The following ZNF407 variants were observed in gnomAD, a reference collection of about 807,000 sequenced individuals.
ZNF407 encodes zinc finger protein 407.
In ZNF407, 17 loss-of-function variants were observed where a neutral mutation model predicts 131.2. That is an observed-to-expected ratio of 0.13 (90% confidence interval 0.09 to 0.19). The LOEUF (loss-of-function observed/expected upper bound fraction) is 0.19. Among genes scored for constraint, ZNF407 ranks in the 10% least tolerant of loss-of-function variants. The pLI, the probability that ZNF407 is intolerant of heterozygous loss-of-function variation, is 1.00. For synonymous variants in ZNF407, 1,156 were observed against 1,062.0 expected (o/e 1.09, Z -1.72); for missense variants, 2,681 against 2,830.6 (o/e 0.95, Z 1.20).
intron 3 of ZNF407, among the ~76,000 whole-genome samples, chr18:74,671,654 A>G (rs1171516939): frequency 4.6e-5 from 7 of 152,166 alleles, no homozygotes. Context: ...TAAGGATAAT[A>G]GCCTCCAGCT....
chr18:74,934,018 C>T (rs1198703099), intron 8 of ZNF407, among the ~76,000 whole-genome samples: 1 of 151,936 alleles, frequency 6.6e-6, no homozygotes, highest in Non-Finnish European at 1.5e-5. Flanking sequence ...ACTGTAGGCC[C>T]CAACTAGATA....
chr18:74,916,312 GGTT>G (rs1264719678), intron 7 of ZNF407, among the ~76,000 whole-genome samples: 26 of 108,116 alleles, frequency 2.4e-4, no homozygotes, highest in African/African-American at 8.7e-4. Context: ...GGTATGGTGA[GGTT>G]GTGTGCAGCA....
Position 75,063,638 on chromosome 18 carries a change from T to G in ZNF407, c.5917T>G (p.Leu1973Val). 1 of 1,595,598 alleles carries G rather than the reference T, an allele frequency of 6.3e-7. No individual in the cohort carries two copies. Among genetic ancestry groups the G allele is most frequent in the Non-Finnish European group, 8.5e-7 (1 of 1,172,330 alleles). ...VIQQVTKQEILNLSEAGVAPP... is the reference protein window; with the variant it reads ...VIQQVTKQEIVNLSEAGVAPP... ...ACAACAGGTGACCAAGCAGGAGATT[T>G]TAAACCTCTCGGAGGCTGGAGTCGC... Residue 1973 changes from leucine to valine, a missense_variant, in exon 9 of 9, where the codon TTA becomes GTA. Leu to Val is a conservative substitution (Grantham distance 32). Coordinates refer to ENST00000299687, the MANE Select transcript of ZNF407 (RefSeq NM_017757.3). The surrounding 1 kb of genome is among the most constrained non-coding windows in gnomAD (Gnocchi z 6.6).
intron 4 of ZNF407, among the ~76,000 whole-genome samples, chr18:74,831,022 T>C (rs1313944208): frequency 6.6e-6 from 1 of 152,212 alleles, no homozygotes; most frequent in Non-Finnish European, 1.5e-5. Flanking sequence ...ATGCAGAGTT[T>C]ATAACTTTCT....
At chr18:74,852,725 G>C (rs957325574) in intron 4 of ZNF407, among the ~76,000 whole-genome samples, 18 of 152,136 alleles carry the variant, frequency 1.2e-4, no homozygotes, top group African/African-American at 4.3e-4. Flanking sequence ...TTTTAAATTA[G>C]AGTGTAAGGT....
At chr18:75,056,360 A>C (rs976132415) in intron 8 of ZNF407, among the ~76,000 whole-genome samples, 1 of 152,234 alleles carries the variant, frequency 6.6e-6, no homozygotes, top group African/African-American at 2.4e-5. Context: ...TGAGGTACTG[A>C]CCAACCAACC....
At chr18:74,668,226 A>G (rs771796381) in intron 3 of ZNF407, among the ~76,000 whole-genome samples, 4 of 152,192 alleles carry the variant, frequency 2.6e-5, no homozygotes, top group Non-Finnish European at 4.4e-5. Context: ...TTTACTTTGC[A>G]TAATGTGTGA....
intron 4 of ZNF407, among the ~76,000 whole-genome samples, chr18:74,827,520 C>T (rs1970425288): frequency 1.3e-5 from 2 of 151,832 alleles, no homozygotes; most frequent in South Asian, 4.2e-4. Flanking sequence ...CATATGGGAG[C>T]CTCATCAAGC....
At chr18:74,980,427 C>A (rs1430416604) in intron 8 of ZNF407, among the ~76,000 whole-genome samples, 3 of 152,056 alleles carry the variant, frequency 2.0e-5, no homozygotes, top group African/African-American at 7.2e-5. Flanking sequence ...GCCTCAGCCT[C>A]CCGAGTAGCT....
At chr18:75,031,774 A>C (rs760906021) in intron 8 of ZNF407, among the ~76,000 whole-genome samples, 3 of 152,210 alleles carry the variant, frequency 2.0e-5, no homozygotes, top group Non-Finnish European at 4.4e-5. Flanking sequence ...CCAAAGTTGT[A>C]CACAAGGTAA....
At chr18:74,837,545 A>T (rs995933023) in intron 4 of ZNF407, among the ~76,000 whole-genome samples, 1 of 152,306 alleles carries the variant, frequency 6.6e-6, no homozygotes, top group Non-Finnish European at 1.5e-5. Context: ...TAAGAGTAAC[A>T]TGCGCTCATT....
chr18:74,599,530 T>C (rs1982485362), intron 1 of ZNF407, among the ~76,000 whole-genome samples: 1 of 152,116 alleles, frequency 6.6e-6, no homozygotes, highest in Admixed American at 6.5e-5. Flanking sequence ...TAAATATATA[T>C]AATACCTTTT....
chr18:74,768,747 T>C (rs1348579747), intron 3 of ZNF407, among the ~76,000 whole-genome samples: 2 of 152,230 alleles, frequency 1.3e-5, no homozygotes, highest in African/African-American at 4.8e-5. Context: ...GTAATGTGTA[T>C]CTACTACAGT....
At chr18:75,006,301 T>G (rs77290840) in intron 8 of ZNF407, among the ~76,000 whole-genome samples, 1 of 152,228 alleles carries the variant, frequency 6.6e-6, no homozygotes, top group Non-Finnish European at 1.5e-5. Context: ...TCTACTCTTA[T>G]GATTTATTTT....
At chr18:74,643,972 G>A (rs1298892477) in intron 3 of ZNF407, among the ~76,000 whole-genome samples, 1 of 151,926 alleles carries the variant, frequency 6.6e-6, no homozygotes, top group Non-Finnish European at 1.5e-5. Context: ...TTTGACAGAA[G>A]AAGCTGAATG....
intron 3 of ZNF407, among the ~76,000 whole-genome samples, chr18:74,706,070 A>G (rs781375261): frequency 6.6e-6 from 1 of 152,170 alleles, no homozygotes; most frequent in Non-Finnish European, 1.5e-5. Flanking sequence ...ATTCATATAC[A>G]TATCAGTGCA....
intron 7 of ZNF407, among the ~76,000 whole-genome samples, chr18:74,911,135 C>T (rs895177390): frequency 6.6e-6 from 1 of 152,144 alleles, no homozygotes; most frequent in East Asian, 1.9e-4. Context: ...TTACATGTAG[C>T]TTTTCTCAAT....
At chr18:74,825,109 A>G (rs561551433) in intron 4 of ZNF407, among the ~76,000 whole-genome samples, 55 of 152,288 alleles carry the variant, frequency 3.6e-4, no homozygotes, top group African/African-American at 1.3e-3. Context: ...AGTGACAAAA[A>G]CCACATGATT....
intron 3 of ZNF407, among the ~76,000 whole-genome samples, chr18:74,755,533 C>CTT (rs1968910571): frequency 2.4e-5 from 1 of 41,938 alleles, no homozygotes; most frequent in African/African-American, 8.1e-5. Context: ...GTATCTTTCC[C>CTT]TCTCTCCCTC....
Sources: allele counts gnomAD v4.1 joint callset (sites outside exome capture counted in the v4.1 genomes callset), GRCh38; gene constraint gnomAD v4.1.1; non-coding constraint Gnocchi (gnomAD v3.1); transcripts MANE v1.5; gene names NCBI Gene and HGNC (gene_info 2026-07-23, HGNC 2026-07-21).